THSD7B: variants seen among roughly 807,000 people sequenced by gnomAD.
The protein encoded by THSD7B is thrombospondin type 1 domain containing 7B.
A neutral mutation model predicts 213.6 loss-of-function variants in THSD7B; 138 were observed. The observed-to-expected ratio is 0.65, with a 90% CI of 0.56 to 0.74. The LOEUF (loss-of-function observed/expected upper bound fraction) is 0.74. Among genes scored for constraint, THSD7B ranks in the 30% least tolerant of loss-of-function variants. The pLI is 0.00. For synonymous variants in THSD7B, 742 were observed against 687.0 expected, an observed-to-expected ratio of 1.08 and a Z score of -1.25; for missense variants, 1,931 against 1,991.5, an observed-to-expected ratio of 0.97 and a Z score of 0.58.
Position 137,265,946 on chromosome 2 carries a change from A to T in THSD7B, c.2267-6587A>T, listed in dbSNP as rs375872663. On this transcript the variant is annotated intron_variant, in intron 10 of 27. Transcript: ENST00000409968. ...ATAATATGAGAACATGGTTATAGGT[A>T]CTAATTGCCTTGCAATTGTAGTTTA... Among the ~76,000 whole-genome samples the T allele has an allele frequency of 8.5e-5, 13 of 152,324 alleles. No individual in the cohort carries two copies. In the South Asian group the frequency reaches 2.3e-3, roughly 27 times the overall value.
chr2:137,108,113 T>C (rs1057127944), intron 4 of THSD7B, among the ~76,000 whole-genome samples: 8 of 152,234 alleles, frequency 5.3e-5, no homozygotes, highest in Non-Finnish European at 1.2e-4. Flanking sequence ...TTTGCAAATC[T>C]ATATGTGCTC....
At chr2:137,502,042 A>G (rs557288463) in intron 15 of THSD7B, among the ~76,000 whole-genome samples, 2 of 152,326 alleles carry the variant, frequency 1.3e-5, no homozygotes, top group South Asian at 4.1e-4. Flanking sequence ...CTAAACCTAA[A>G]TACAAGAAAC....
intron 2 of THSD7B, among the ~76,000 whole-genome samples, chr2:136,971,903 C>T (rs529293052): frequency 8.3e-4 from 127 of 152,264 alleles, no homozygotes; most frequent in Non-Finnish European, 1.3e-3. Flanking sequence ...GTTAATTCTT[C>T]TCTCTGCTCT....
chr2:137,083,188 C>T (rs979324292), intron 3 of THSD7B, among the ~76,000 whole-genome samples: 1 of 152,036 alleles, frequency 6.6e-6, no homozygotes, highest in Non-Finnish European at 1.5e-5. Context: ...ACTCAAGCAG[C>T]GTCTCCCATT....
chr2:136,974,382 T>G (rs141869623), intron 2 of THSD7B, among the ~76,000 whole-genome samples: 1 of 151,620 alleles, frequency 6.6e-6, no homozygotes, highest in East Asian at 1.9e-4. Flanking sequence ...CCAGATTGTG[T>G]TGTTCTCCTC....
chr2:137,195,071 A>G (rs1222622422), intron 7 of THSD7B, among the ~76,000 whole-genome samples: 1 of 152,058 alleles, frequency 6.6e-6, no homozygotes, highest in Non-Finnish European at 1.5e-5. Context: ...TAATCTATAC[A>G]TGATTCTATT....
intron 2 of THSD7B, among the ~76,000 whole-genome samples, chr2:136,960,780 C>T (rs1430825962): frequency 6.6e-6 from 1 of 151,922 alleles, no homozygotes; most frequent in Non-Finnish European, 1.5e-5. Flanking sequence ...GGAAGAAAAA[C>T]AATGACATGT....
rs148066853 is a variant in THSD7B, at chr2:137,609,187, C to T, written c.3424-6988C>T. Among the ~76,000 whole-genome samples, 598 of 151,918 alleles carry T rather than the reference C, an allele frequency of 3.9e-3. 5 individuals are homozygous for T. The highest frequency in any genetic ancestry group is 0.014 in the African/African-American group (571 of 41,432). ...CACACAGTCTGTTGAAATCTATTGTCGAGTATCTCTAAAGCCCATGAGCCT... is the reference window on the plus strand; with the variant it reads ...CACACAGTCTGTTGAAATCTATTGTTGAGTATCTCTAAAGCCCATGAGCCT... On this transcript the variant is annotated intron_variant, in intron 17 of 27. Coordinates refer to ENST00000409968, the MANE Select transcript of THSD7B (RefSeq NM_001316349.2).
At chr2:137,233,354 C>T (rs1681687402) in intron 9 of THSD7B, among the ~76,000 whole-genome samples, 1 of 152,158 alleles carries the variant, frequency 6.6e-6, no homozygotes, top group South Asian at 2.1e-4. Flanking sequence ...ATTAATATAT[C>T]AGTTCTTGGA....
chr2:137,667,266 C>T (rs1323693511), intron 26 of THSD7B, among the ~76,000 whole-genome samples: 1 of 152,064 alleles, frequency 6.6e-6, no homozygotes, highest in Non-Finnish European at 1.5e-5. Context: ...TACATTTTCG[C>T]TTTTTTTCTT....
intron 24 of THSD7B, among the ~76,000 whole-genome samples, chr2:137,658,985 G>C (rs896639280): frequency 6.6e-6 from 1 of 152,154 alleles, no homozygotes; most frequent in African/African-American, 2.4e-5. Context: ...AGTAAGACTA[G>C]TATGTAAATG....
chr2:136,805,203 T>A lies in THSD7B; in HGVS notation c.-36+39516T>A, dbSNP rs1463045447. Among the ~76,000 whole-genome samples, 11 of 151,858 alleles carry A rather than the reference T, an allele frequency of 7.2e-5. No individual in the cohort carries two copies. The South Asian group carries it at 2.3e-3, about 32-fold the overall frequency. On this transcript the variant is annotated intron_variant, in intron 1 of 27. Transcript: ENST00000409968. ...CCTATTTGCTTCTGACTGGGTTTGG[T>A]CAGGAATTGATGAATTAACAGGCAT...
At chr2:137,605,262 C>G (rs1472598088) in intron 17 of THSD7B, among the ~76,000 whole-genome samples, 1 of 152,134 alleles carries the variant, frequency 6.6e-6, no homozygotes, top group Non-Finnish European at 1.5e-5. Flanking sequence ...TCACATTCTC[C>G]TTTTTACCCT....
intron 1 of THSD7B, among the ~76,000 whole-genome samples, chr2:136,833,629 CA>C (rs1464447347): frequency 6.6e-6 from 1 of 151,906 alleles, no homozygotes; most frequent in Non-Finnish European, 1.5e-5. Context: ...TTTGTGTATT[CA>C]AAGTCACATT....
chr2:137,528,743 C>G (rs145754651), intron 15 of THSD7B, among the ~76,000 whole-genome samples: 1 of 152,008 alleles, frequency 6.6e-6, no homozygotes, highest in East Asian at 1.9e-4. Context: ...ATCAGAATCA[C>G]TAGAGATGTT....
chr2:137,215,986 G>A (rs1215148936), intron 7 of THSD7B, among the ~76,000 whole-genome samples: 1 of 152,034 alleles, frequency 6.6e-6, no homozygotes, highest in African/African-American at 2.4e-5. Flanking sequence ...TGTATTTTCT[G>A]CCTGGGTACT....
At chr2:136,871,645 A>C (rs1290261395) in intron 1 of THSD7B, among the ~76,000 whole-genome samples, 3 of 152,188 alleles carry the variant, frequency 2.0e-5, no homozygotes, top group African/African-American at 7.2e-5. Flanking sequence ...AATTATAAGA[A>C]TGTATCCATG....
intron 14 of THSD7B, among the ~76,000 whole-genome samples, chr2:137,443,181 G>A (rs1306908153): frequency 4.6e-5 from 7 of 152,124 alleles, no homozygotes; most frequent in Non-Finnish European, 5.9e-5. Flanking sequence ...GCACAAGGGA[G>A]TTAATGTTGC....
chr2:137,570,560 A>C (rs1284997520), intron 16 of THSD7B, among the ~76,000 whole-genome samples: 6 of 152,238 alleles, frequency 3.9e-5, no homozygotes, highest in Admixed American at 1.3e-4. Context: ...ATGTGTGTAT[A>C]AAAGAAACTC....
Sources: allele counts gnomAD v4.1 joint callset (sites outside exome capture counted in the v4.1 genomes callset), GRCh38; gene constraint gnomAD v4.1.1; transcripts MANE v1.5; gene names NCBI Gene and HGNC (gene_info 2026-07-23, HGNC 2026-07-21).